The following FAM76B variants were observed in gnomAD, a reference collection of about 807,000 sequenced individuals.
FAM76B encodes the protein family with sequence similarity 76 member B, also known as protein FAM76B.
Under a neutral mutation model 51.8 loss-of-function variants are expected in FAM76B, and 16 were observed. The observed-to-expected ratio is 0.31, with a 90% CI of 0.21 to 0.47. The LOEUF is 0.47. Among genes scored for constraint, FAM76B ranks in the 20% least tolerant of loss-of-function variants. FAM76B has a pLI of 1.00. For synonymous variants in FAM76B, 166 were observed against 129.5 expected (o/e 1.28, Z -1.91); for missense variants, 342 against 392.6 (o/e 0.87, Z 1.09).
chr11:95,780,631 A>G (rs1204698426), intron 5 of FAM76B, among the ~76,000 whole-genome samples: 3 of 151,962 alleles, frequency 2.0e-5, no homozygotes, highest in Admixed American at 2.0e-4. Context: ...ATATCAGTCA[A>G]TGCTTCACTA....
chr11:95,771,496 G>A lies in FAM76B; in HGVS notation c.*65C>T. 1 of 1,301,278 alleles carries A rather than the reference G, an allele frequency of 7.7e-7. No homozygotes were observed. Among genetic ancestry groups the A allele is most frequent in the Middle Eastern group, 2.0e-4 (1 of 4,886 alleles). The allele number at this position is 1,301,278 out of a possible 1,614,324, so 80.6% of individuals were successfully genotyped here. On this transcript the variant is annotated 3_prime_UTR_variant, in exon 10 of 10. Coordinates refer to ENST00000358780, the MANE Select transcript of FAM76B (RefSeq NM_144664.5). ...ATTTTTCTACTACACAGAATTTAAG[G>A]GCTTCACAGAATTTTTTTTCCCCAA...
At chr11:95,786,347 A>T (rs1860587292) in intron 3 of FAM76B, 73 bp from the exon 4 acceptor site, 1 of 1,477,568 alleles carries the variant, frequency 6.8e-7, no homozygotes, top group South Asian at 1.4e-5. Context: ...CCAGTGTTGT[A>T]GACATATTTC....
chr11:95,783,502 T>C (rs1315437710), intron 4 of FAM76B, among the ~76,000 whole-genome samples: 2 of 152,226 alleles, frequency 1.3e-5, no homozygotes, highest in Non-Finnish European at 2.9e-5. Flanking sequence ...TTTTGAAGCA[T>C]TTTTAATTTG....
chr11:95,788,935 T>C (rs1328333832), intron 1 of FAM76B: 1 of 1,348,712 alleles, frequency 7.4e-7, no homozygotes, highest in Non-Finnish European at 9.7e-7. Flanking sequence ...CCCAAACCAG[T>C]CGCTTCGCTT....
chr11:95,783,608 G>A (rs1254576967), intron 4 of FAM76B, among the ~76,000 whole-genome samples: 2 of 151,986 alleles, frequency 1.3e-5, no homozygotes, highest in East Asian at 3.8e-4. Flanking sequence ...TTCTTATATC[G>A]CTGTGTCATT....
chr11:95,777,767 G>A (rs1451566003), intron 8 of FAM76B, among the ~76,000 whole-genome samples: 1 of 151,398 alleles, frequency 6.6e-6, no homozygotes, highest in Non-Finnish European at 1.5e-5. Context: ...CTGAATGCCA[G>A]AAGTAAAAGC....
At chr11:95,782,497 A>G (rs1012333649) in intron 5 of FAM76B, among the ~76,000 whole-genome samples, 3 of 152,266 alleles carry the variant, frequency 2.0e-5, no homozygotes, top group Admixed American at 6.5e-5. Context: ...ACTGAGGGAA[A>G]ACTACAGTTG....
intron 3 of FAM76B, 21 bp downstream of exon 3, chr11:95,787,603 G>A: frequency 6.2e-7 from 1 of 1,604,880 alleles, no homozygotes; most frequent in Non-Finnish European, 8.5e-7. Context: ...ACAATGACAT[G>A]AAAACATAAG....
At chr11:95,779,738 C>A in intron 6 of FAM76B, 51 bp from the exon 7 acceptor site, 1 of 1,581,372 alleles carries the variant, frequency 6.3e-7, no homozygotes, top group South Asian at 1.2e-5. Flanking sequence ...ACAGAGAAAC[C>A]AAATGATAAG....
At chr11:95,774,519 A>G (rs1431141781) in intron 9 of FAM76B, among the ~76,000 whole-genome samples, 1 of 151,350 alleles carries the variant, frequency 6.6e-6, no homozygotes, top group Non-Finnish European at 1.5e-5. Context: ...CTGAGCACCT[A>G]TTGCAGTTAT....
chr11:95,771,777 G>C (rs950911258), intron 9 of FAM76B, 127 bp from the exon 10 acceptor site: 6 of 691,340 alleles, frequency 8.7e-6, no homozygotes, highest in African/African-American at 7.4e-5. Context: ...AACATTAAAT[G>C]AAAGAGTTGA....
chr11:95,780,926 A>G (rs1860233765), intron 5 of FAM76B, among the ~76,000 whole-genome samples: 1 of 152,096 alleles, frequency 6.6e-6, no homozygotes, highest in African/African-American at 2.4e-5. Flanking sequence ...GTTCAGCTGT[A>G]GAAGTTTTTT....
intron 3 of FAM76B, among the ~76,000 whole-genome samples, chr11:95,787,339 T>C (rs954727931): frequency 6.6e-6 from 1 of 151,746 alleles, no homozygotes; most frequent in East Asian, 1.9e-4. Flanking sequence ...GTTCACGCCA[T>C]TCTCCTGCCT....
chr11:95,788,722 C>A, intron 1 of FAM76B, 159 bp from the exon 2 acceptor site: 1 of 1,254,712 alleles, frequency 8.0e-7, no homozygotes, highest in South Asian at 1.5e-5. Context: ...AGTGGCCAAT[C>A]ACAATATAAT....
At chr11:95,782,737 CAATT>C (rs1860341740) in intron 5 of FAM76B, among the ~76,000 whole-genome samples, 1 of 152,024 alleles carries the variant, frequency 6.6e-6, no homozygotes, top group South Asian at 2.1e-4. Flanking sequence ...AAAACCTTAA[CAATT>C]ATTTAAACAA....
At chr11:95,783,500 C>T (rs909984053) in intron 4 of FAM76B, among the ~76,000 whole-genome samples, 3 of 152,134 alleles carry the variant, frequency 2.0e-5, no homozygotes, top group Non-Finnish European at 4.4e-5. Flanking sequence ...AGTTTTGAAG[C>T]ATTTTTAATT....
At chr11:95,788,722 C>T in intron 1 of FAM76B, 159 bp from the exon 2 acceptor site, 1 of 1,254,714 alleles carries the variant, frequency 8.0e-7, no homozygotes, top group Non-Finnish European at 1.1e-6. Context: ...AGTGGCCAAT[C>T]ACAATATAAT....
chr11:95,781,574 T>C (rs1321303160), intron 5 of FAM76B, among the ~76,000 whole-genome samples: 1 of 152,126 alleles, frequency 6.6e-6, no homozygotes, highest in Non-Finnish European at 1.5e-5. Flanking sequence ...TTTTACATCA[T>C]GCTAAGACAA....
chr11:95,769,470 A>G lies in FAM76B; in HGVS notation c.*2091T>C, dbSNP rs1450259671. On this transcript the variant is annotated 3_prime_UTR_variant, in exon 10 of 10. Transcript: ENST00000358780. The stretch of plus-strand genomic sequence containing the variant: ...TAGACTGTTAATGTTAGCTAACACT[A>G]AAACTGAATTACCTTCCATTTTAAT... 4.6e-5 allele frequency: 7 copies of G among 152,260 alleles called. No homozygotes were observed. The highest frequency in any genetic ancestry group is 1.7e-4 in the African/African-American group (7 of 41,400). The allele number at this position is 152,260 out of a possible 1,614,324, so 9.4% of individuals were successfully genotyped here.
Sources: allele counts gnomAD v4.1 joint callset (sites outside exome capture counted in the v4.1 genomes callset), GRCh38; gene constraint gnomAD v4.1.1; transcripts MANE v1.5; gene names NCBI Gene and HGNC (gene_info 2026-07-23, HGNC 2026-07-21).